The following MYH7B variants were observed in gnomAD, a reference collection of about 807,000 sequenced individuals.
The protein encoded by MYH7B is myosin heavy chain 7B.
A neutral mutation model predicts 234.5 loss-of-function variants in MYH7B; 205 were observed. The ratio of observed to expected loss-of-function variants is 0.87; its 90% confidence interval spans 0.78 to 0.98. The LOEUF (loss-of-function observed/expected upper bound fraction) is 0.98, where lower values mean the gene tolerates loss of function less well. Ranked by LOEUF, MYH7B falls within the 50% of genes least tolerant of loss-of-function variation. The pLI is 0.00. For synonymous variants in MYH7B, 1,193 were observed against 1,105.0 expected, an observed-to-expected ratio of 1.08 and a Z score of -1.58; for missense variants, 2,652 against 2,633.4, an observed-to-expected ratio of 1.01 and a Z score of -0.15.
exon 7 of MYH7B, chr20:34,979,791 G>A (rs373482344): frequency 1.2e-6 from 2 of 1,613,752 alleles, no homozygotes; most frequent in East Asian, 2.2e-5. Context: ...CGCTATGCCC[G>A]CTGGATGATC....
chr20:34,966,768 A>C (rs1272921049), intron 2 of MYH7B, among the ~76,000 whole-genome samples: 2 of 152,168 alleles, frequency 1.3e-5, no homozygotes, highest in African/African-American at 4.8e-5. Flanking sequence ...TTTAATTAAG[A>C]AATGAAATTT....
At chr20:34,977,950 C>T in exon 5 of MYH7B, 1 of 1,613,780 alleles carries the variant, frequency 6.2e-7, no homozygotes, top group East Asian at 2.2e-5. Flanking sequence ...CTGCCTTGGG[C>T]CGCCTTGAAC....
At chr20:34,968,070 T>C (rs1367902652) in intron 2 of MYH7B, among the ~76,000 whole-genome samples, 1 of 152,260 alleles carries the variant, frequency 6.6e-6, no homozygotes, top group African/African-American at 2.4e-5. Context: ...CTGAGCACTT[T>C]GTTTCATTTA....
Position 34,977,700 on chromosome 20 carries a change from GTTGGA to G in MYH7B, c.-73+21_-73+25del. The G allele has an allele frequency of 2.0e-6, 3 of 1,533,274 alleles. No homozygotes were observed. The highest frequency in any genetic ancestry group is 2.6e-6 in the Non-Finnish European group (3 of 1,137,080). 95.0% of individuals were successfully genotyped at this position (1,533,274 alleles called of 1,614,324 possible). A position where few individuals can be genotyped will look rare whatever the true frequency, so the allele number is the denominator to read the frequency against. On this transcript the variant is annotated intron_variant, in intron 4 of 44. Coordinates refer to ENST00000262873, the Ensembl canonical transcript of MYH7B. ...GCCGAGGTAGGTGATCAGGGCTGGG[GTTGGA>G]GCCGAAGGGAGGGCAGGAGGGTGGG...
intron 14 of MYH7B, 32 bp from the exon 15 acceptor site, chr20:34,986,854 C>CT (rs755412562): frequency 3.2e-6 from 5 of 1,573,484 alleles, no homozygotes; most frequent in Non-Finnish European, 4.4e-6. Context: ...TAAGCACTGC[C>CT]TGACCCTCCC....
intron 10 of MYH7B, 68 bp downstream of exon 10, chr20:34,982,623 T>C: frequency 5.2e-6 from 2 of 385,826 alleles, no homozygotes; most frequent in Non-Finnish European, 7.6e-6. Context: ...TCTTCCTCTC[T>C]TTTTTTTTTT....
chr20:34,997,707 A>G, intron 32 of MYH7B, 67 bp downstream of exon 32: 3 of 1,572,856 alleles, frequency 1.9e-6, no homozygotes, highest in Non-Finnish European at 2.6e-6. Context: ...AGCAGCCAAT[A>G]CTGTTCCCAC....
At chr20:34,989,781 C>G in exon 20 of MYH7B, 1 of 1,614,148 alleles carries the variant, frequency 6.2e-7, no homozygotes, top group Admixed American at 1.7e-5. Flanking sequence ...AATGCATGTT[C>G]CCCAAGGCCT....
At chr20:34,980,325 G>T in intron 7 of MYH7B, 1 of 423,034 alleles carries the variant, frequency 2.4e-6, no homozygotes, top group Non-Finnish European at 4.3e-6. Flanking sequence ...AAGGCGGGCG[G>T]ATCACCTGAC....
intron 10 of MYH7B, among the ~76,000 whole-genome samples, chr20:34,984,353 T>C (rs1022403919): frequency 2.0e-5 from 3 of 152,082 alleles, no homozygotes; most frequent in Admixed American, 2.0e-4. Flanking sequence ...GGCTGGGCTC[T>C]GGAGGGCCCT....
rs773329933 is a variant in MYH7B, at chr20:34,996,530, A to T, written c.3120+8A>T. 8.1e-6 allele frequency: 13 copies of T among 1,608,010 alleles called. No homozygotes were observed. Among genetic ancestry groups the T allele is most frequent in the Non-Finnish European group, 1.1e-5 (13 of 1,177,018 alleles). Reference sequence around the variant, plus strand: ...GAGCAACAGGTGGAGGACGTGAGTCAGGGCCACCCCGAGACTGGGTGGCGG... The same window carrying T: ...GAGCAACAGGTGGAGGACGTGAGTCTGGGCCACCCCGAGACTGGGTGGCGG... On this transcript the variant is annotated splice_region_variant and intron_variant, in intron 29 of 44. Transcript: ENST00000262873.
chr20:34,991,417 G>C (rs2082148417), intron 24 of MYH7B, among the ~76,000 whole-genome samples: 1 of 152,190 alleles, frequency 6.6e-6, no homozygotes, highest in South Asian at 2.1e-4. Flanking sequence ...TTTTGGGAGT[G>C]AGCAACCTGG....
At position 34,999,146 on chromosome 20, in the gene MYH7B, G is replaced by A. The variant is rs781168937; in HGVS notation, c.4281G>A (p.Arg1427=). ...CATCGTTGGAGAAGGCCAAGCTGCG[G>A]CTACAGACAGAGTCAGAGGATGTAA... The change falls in exon 36 of 45, where the codon CGG becomes CGA. Residue 1427 remains arginine, a synonymous_variant. Transcript: ENST00000262873. 24 of 1,613,622 alleles carry A rather than the reference G, an allele frequency of 1.5e-5. No homozygotes were observed. In the Admixed American group the frequency reaches 3.3e-4, roughly 22 times the overall value.
chr20:34,992,541 T>TA (rs1361924340), intron 24 of MYH7B, among the ~76,000 whole-genome samples: 1 of 149,672 alleles, frequency 6.7e-6, no homozygotes, highest in African/African-American at 2.5e-5. Context: ...TGAATGCATT[T>TA]AAAATCCCCC....
intron 2 of MYH7B, among the ~76,000 whole-genome samples, chr20:34,959,464 A>AT (rs945442446): frequency 1.4e-5 from 2 of 142,880 alleles, no homozygotes; most frequent in African/African-American, 2.7e-5. Context: ...TCCTCATTTT[A>AT]TTTTTTTTCT....
In MYH7B at chr20:34,999,416, C is replaced by T; in HGVS notation, c.4540+11C>T. 6.6e-7 allele frequency: 1 copy of T among 1,509,126 alleles called. No individual in the cohort carries two copies. The highest frequency in any genetic ancestry group is 8.9e-7 in the Non-Finnish European group (1 of 1,129,298). The allele number at this position is 1,509,126 out of a possible 1,614,324, so 93.5% of individuals were successfully genotyped here. On this transcript the variant is annotated intron_variant, in intron 36 of 44. Coordinates refer to ENST00000262873, the Ensembl canonical transcript of MYH7B. ...ACAAGAACCTGCAGGGTAGGACCTG[C>T]CACACGCCAGGGCCAGGGTGCTGCC...
At chr20:34,983,814 G>A (rs576229943) in intron 10 of MYH7B, among the ~76,000 whole-genome samples, 1 of 152,350 alleles carries the variant, frequency 6.6e-6, no homozygotes, top group African/African-American at 2.4e-5. Flanking sequence ...CTCCCTGGAG[G>A]TGAATGAATG....
intron 27 of MYH7B, among the ~76,000 whole-genome samples, 184 bp downstream of exon 27, chr20:34,994,585 G>T (rs1310647229): frequency 6.6e-6 from 1 of 152,192 alleles, no homozygotes; most frequent in Non-Finnish European, 1.5e-5. Context: ...CACGTTTCCT[G>T]GCACTCTCCC....
At position 35,001,299 on chromosome 20, in the gene MYH7B, CT is replaced by C. The variant is rs901400846; in HGVS notation, c.5532del (p.Lys1845ArgfsTer116). The C allele has an allele frequency of 6.2e-7, 1 of 1,612,890 alleles. No homozygotes were observed. Among genetic ancestry groups the C allele is most frequent in the African/African-American group, 1.3e-5 (1 of 74,930 alleles). ...AGAGCAGAAGAAGCACGCCGAGGCC[CT>C]TAAGGGCGTGCGCAAGCATGAGCGC... is the stretch of plus-strand genomic sequence containing the variant. On this transcript the variant is annotated frameshift_variant, in exon 42 of 45. Transcript: ENST00000262873. LOFTEE classifies it high-confidence loss of function.
Sources: allele counts gnomAD v4.1 joint callset (sites outside exome capture counted in the v4.1 genomes callset), GRCh38; gene constraint gnomAD v4.1.1; transcripts MANE v1.5; gene names NCBI Gene and HGNC (gene_info 2026-07-23, HGNC 2026-07-21).